The following SASS6 variants were observed in gnomAD, a reference collection of about 807,000 sequenced individuals.
The protein encoded by SASS6 is SAS-6 centriolar assembly protein.
In SASS6, 59 loss-of-function variants were observed where a neutral mutation model predicts 94.9. The observed-to-expected ratio is 0.62, with a 90% CI of 0.50 to 0.77. The LOEUF (loss-of-function observed/expected upper bound fraction) is 0.77, where lower values mean the gene tolerates loss of function less well. Among genes scored for constraint, SASS6 ranks in the 30% least tolerant of loss-of-function variants. The pLI, the probability that SASS6 is intolerant of heterozygous loss-of-function variation, is 0.00. For synonymous variants in SASS6, 264 were observed against 270.0 expected (o/e 0.98, Z 0.22); for missense variants, 698 against 734.1 (o/e 0.95, Z 0.57).
At chr1:100,085,497 T>A in intron 16 of SASS6, 39 bp downstream of exon 16, 1 of 1,575,280 alleles carries the variant, frequency 6.3e-7, no homozygotes, top group Non-Finnish European at 8.7e-7. Context: ...TAAATTTAAT[T>A]CAACTATAAA....
intron 15 of SASS6, among the ~76,000 whole-genome samples, chr1:100,087,498 C>T (rs1651395379): frequency 6.6e-6 from 1 of 152,098 alleles, no homozygotes; most frequent in South Asian, 2.1e-4. Flanking sequence ...AACATGAAGT[C>T]TATCCAGAGA....
intron 12 of SASS6, among the ~76,000 whole-genome samples, chr1:100,106,630 T>C (rs1333266584): frequency 6.6e-6 from 1 of 152,064 alleles, no homozygotes; most frequent in Non-Finnish European, 1.5e-5. Context: ...GGCGGGTGGA[T>C]CACTTGAGCT....
rs192175372 is a variant in SASS6 at position 100,107,070 on chromosome 1, C to T, written c.1327-77G>A. The T allele has an allele frequency of 6.6e-5, 43 of 652,814 alleles. No homozygotes were observed. In the East Asian group the frequency reaches 7.9e-4, roughly 12 times the overall value. 40.4% of individuals were successfully genotyped at this position (652,814 alleles called of 1,614,324 possible). On this transcript the variant is annotated intron_variant, in intron 11 of 16. Coordinates refer to ENST00000287482, the MANE Select transcript of SASS6 (RefSeq NM_194292.3). ...AAACTGAAGAATGTATTATTATTAA[C>T]TAAATAATTACATAAATGGTTACTA...
In SASS6 at chr1:100,085,117, A is replaced by T; in HGVS notation, c.*211T>A. ...AAAACGCCATGTTCACAAACCAAAA[A>T]ATGTCATTTACTCACAATCTTTACC... is the stretch of plus-strand genomic sequence containing the variant. On this transcript the variant is annotated 3_prime_UTR_variant, in exon 17 of 17. Transcript: ENST00000287482. 4.1e-6 allele frequency: 2 copies of T among 487,828 alleles called. No individual in the cohort carries two copies. The highest frequency in any genetic ancestry group is 6.8e-5 in the Admixed American group (2 of 29,302). The allele number at this position is 487,828 out of a possible 1,614,324, so 30.2% of individuals were successfully genotyped here. A position where few individuals can be genotyped will look rare whatever the true frequency, so the allele number is the denominator to read the frequency against.
intron 3 of SASS6, 68 bp from the exon 4 acceptor site, chr1:100,122,552 T>TA (rs977371275): frequency 1.4e-4 from 59 of 409,752 alleles, no homozygotes; most frequent in Non-Finnish European, 2.4e-4. Context: ...TTGGTGCCTT[T>TA]TTTTTTTTTT....
rs1304453363 is a variant in SASS6 at position 100,088,160 on chromosome 1, G to A, written c.1751C>T (p.Pro584Leu). The part of the protein sequence containing the change: ...DVQSGATISM[P>L]CSTDKENGEN... ...TTACTTTTCCTTATCAGTTGAGCAAGGCATACTAATAGTTGCTCCTGACTG... is the reference window on the plus strand; with the variant it reads ...TTACTTTTCCTTATCAGTTGAGCAAAGCATACTAATAGTTGCTCCTGACTG... The change falls in exon 15 of 17, where the codon CCT becomes CTT. Residue 584 changes from proline to leucine, a missense_variant. By Grantham distance (98) the Pro-to-Leu change is moderately conservative. Transcript: ENST00000287482. 6.3e-7 allele frequency: 1 copy of A among 1,592,100 alleles called. No individual in the cohort carries two copies. Among genetic ancestry groups the A allele is most frequent in the South Asian group, 1.1e-5 (1 of 90,474 alleles).
At chr1:100,105,266 C>T (rs143590055) in intron 13 of SASS6, among the ~76,000 whole-genome samples, 26 of 152,216 alleles carry the variant, frequency 1.7e-4, no homozygotes, top group East Asian at 1.4e-3. Flanking sequence ...CGGTGGCTCA[C>T]GCCTGTAATC....
In SASS6 at chr1:100,132,684, C is replaced by T. The variant is rs1260323448; in HGVS notation, c.65+66G>A. Reference sequence around the variant, plus strand: ...CAAGGTGGATCCCACGGGCCAGAACCGCCATCTTTCCCCATTGGCCTGACC... The same window carrying T: ...CAAGGTGGATCCCACGGGCCAGAACTGCCATCTTTCCCCATTGGCCTGACC... On this transcript the variant is annotated intron_variant, in intron 1 of 16. Coordinates refer to ENST00000287482, the MANE Select transcript of SASS6 (RefSeq NM_194292.3). 22 of 1,316,258 alleles carry T rather than the reference C, an allele frequency of 1.7e-5. No individual in the cohort carries two copies. In the East Asian group the frequency reaches 4.6e-4, roughly 27 times the overall value. The allele number at this position is 1,316,258 out of a possible 1,614,324, so 81.5% of individuals were successfully genotyped here. A position where few individuals can be genotyped will look rare whatever the true frequency, so the allele number is the denominator to read the frequency against.
intron 1 of SASS6, among the ~76,000 whole-genome samples, chr1:100,131,840 TCATTACAAA>T (rs1323384215): frequency 6.6e-6 from 1 of 152,202 alleles, no homozygotes; most frequent in Non-Finnish European, 1.5e-5. Context: ...CACCTGATCC[TCATTACAAA>T]CACGTGAATA....
intron 5 of SASS6, 115 bp from the exon 6 acceptor site, chr1:100,120,574 G>C (rs1292862191): frequency 1.7e-6 from 1 of 578,686 alleles, no homozygotes; most frequent in Non-Finnish European, 3.1e-6. Context: ...CAGATTCTTA[G>C]GCTCCATCTC....
intron 14 of SASS6, among the ~76,000 whole-genome samples, chr1:100,093,869 T>C (rs945283547): frequency 6.6e-6 from 1 of 152,138 alleles, no homozygotes; most frequent in Non-Finnish European, 1.5e-5. Flanking sequence ...ACAACATGTA[T>C]AGCATTAAAT....
At chr1:100,117,778 A>AT (rs1242531748) in intron 7 of SASS6, among the ~76,000 whole-genome samples, 1 of 152,024 alleles carries the variant, frequency 6.6e-6, no homozygotes, top group Admixed American at 6.5e-5. Context: ...CACAAAACAT[A>AT]TAAGAAATAT....
In SASS6 at chr1:100,085,424, T is replaced by C; in HGVS notation, c.1878A>G (p.Arg626=). Residue 626 remains arginine, a synonymous_variant, in exon 17 of 17, where the codon AGA becomes AGG. Coordinates refer to ENST00000287482, the MANE Select transcript of SASS6 (RefSeq NM_194292.3). The stretch of plus-strand genomic sequence containing the variant: ...TATGTAATGCTCCTAAAGTGCCATC[T>C]CTCTGATGGTCTGCAAATGAGGACA... The part of the protein sequence containing the change: ...QNLFSNSDHQ[R]DGTLGALHTS... The C allele has an allele frequency of 1.9e-6, 3 of 1,607,364 alleles. No individual in the cohort carries two copies. Among genetic ancestry groups the C allele is most frequent in the Non-Finnish European group, 2.6e-6 (3 of 1,173,892 alleles).
intron 7 of SASS6, 110 bp downstream of exon 7, chr1:100,118,908 T>G: frequency 1.7e-6 from 1 of 585,224 alleles, no homozygotes; most frequent in African/African-American, 1.9e-5. Flanking sequence ...TTATTTTATA[T>G]ACTTCTGTAA....
At chr1:100,132,707 A>AC (rs767831980) in intron 1 of SASS6, 43 bp downstream of exon 1, 15 of 1,533,112 alleles carry the variant, frequency 9.8e-6, no homozygotes, top group Middle Eastern at 1.7e-4. Flanking sequence ...CATTGGCCTG[A>AC]CCCCAACCGC....
At position 100,108,635 on chromosome 1, in the gene SASS6, G is replaced by T. The variant is rs369312678; in HGVS notation, c.862-631C>A. 1.8e-4 allele frequency among the ~76,000 whole-genome samples: 28 copies of T among 152,166 alleles called. No homozygotes were observed. The East Asian group carries it at 3.9e-3, about 21-fold the overall frequency. ...GATACAATATTCCTAGATAGTTTTA[G>T]TTCTTAACCAAAGTTTCCAAAAATA... On this transcript the variant is annotated intron_variant, in intron 8 of 16. Transcript: ENST00000287482.
chr1:100,092,662 G>A (rs756156941), intron 14 of SASS6, among the ~76,000 whole-genome samples: 2 of 151,926 alleles, frequency 1.3e-5, no homozygotes, highest in African/African-American at 2.4e-5. Flanking sequence ...TGCAACCTCC[G>A]CCTCCCGAGT....
At chr1:100,125,820 G>T in intron 2 of SASS6, 62 bp downstream of exon 2, 1 of 867,964 alleles carries the variant, frequency 1.2e-6, no homozygotes. Context: ...CATTCTTAAA[G>T]AACAAAACTA....
intron 14 of SASS6, among the ~76,000 whole-genome samples, chr1:100,093,537 G>T (rs767861338): frequency 6.6e-6 from 1 of 152,144 alleles, no homozygotes; most frequent in Non-Finnish European, 1.5e-5. Flanking sequence ...AAGGCAGGCA[G>T]ATCACTTGAG....
Sources: gnomAD v4.1 joint callset for allele counts (sites outside exome capture counted in the v4.1 genomes callset) on GRCh38, gnomAD v4.1.1 for gene constraint, MANE v1.5 for transcripts, NCBI Gene and HGNC (gene_info 2026-07-23, HGNC 2026-07-21) for gene names.